Variants in DACH2 observed in about 807,000 individuals in gnomAD.
DACH2 encodes the protein dachshund homolog 2.
In DACH2, 17 loss-of-function variants were observed where a neutral mutation model predicts 35.8. That is an observed-to-expected ratio of 0.48 (90% CI 0.33 to 0.71). DACH2 has a LOEUF of 0.71. DACH2 is among the 30% of genes least tolerant of loss of function. The pLI, the probability that DACH2 is intolerant of heterozygous loss-of-function variation, is 0.02. For missense variants in DACH2, 469 were observed against 472.7 expected (o/e 0.99, Z 0.07); for synonymous variants, 195 against 177.3 (o/e 1.10, Z -0.79).
intron 3 of DACH2, among the ~76,000 whole-genome samples, chrX:86,578,570 C>A (rs1245648517): frequency 9.0e-6 from 1 of 111,626 alleles, no homozygotes; most frequent in African/African-American, 3.3e-5. Flanking sequence ...TAGCTATATG[C>A]ACTTAAGATT....
intron 5 of DACH2, among the ~76,000 whole-genome samples, chrX:86,706,358 T>C (rs963469192): frequency 1.8e-5 from 2 of 111,551 alleles, no homozygotes; most frequent in African/African-American, 6.5e-5. Context: ...AAAGGAGGAA[T>C]TGAGAATTGA....
At chrX:86,709,356 T>C (rs981038146) in intron 5 of DACH2, among the ~76,000 whole-genome samples, 1 of 111,620 alleles carries the variant, frequency 9.0e-6, no homozygotes, top group Admixed American at 9.5e-5. Context: ...GGATATCACA[T>C]GCAAAGAATG....
intron 3 of DACH2, among the ~76,000 whole-genome samples, chrX:86,523,192 G>A (rs757485323): frequency 9.0e-6 from 1 of 111,678 alleles, no homozygotes; most frequent in East Asian, 2.8e-4. Flanking sequence ...ATTCAATTCA[G>A]CAATAGTACC....
intron 1 of DACH2, among the ~76,000 whole-genome samples, chrX:86,371,807 T>C (rs906717552): frequency 6.3e-5 from 7 of 111,058 alleles, no homozygotes; most frequent in Admixed American, 1.9e-4. Context: ...AAGATAACTT[T>C]TAAAAGTTTT....
chrX:86,785,064 C>T (rs2042123984), intron 7 of DACH2, among the ~76,000 whole-genome samples: 1 of 110,670 alleles, frequency 9.0e-6, no homozygotes, highest in South Asian at 3.9e-4. Flanking sequence ...CATCTGCACT[C>T]CAAACCCCCA....
At chrX:86,293,669 T>C (rs1384340375) in intron 1 of DACH2, among the ~76,000 whole-genome samples, 1 of 110,960 alleles carries the variant, frequency 9.0e-6, no homozygotes, top group Non-Finnish European at 1.9e-5. Flanking sequence ...ATTTTATTTC[T>C]CCTTCACTTA....
chrX:86,281,369 C>A (rs899960176), intron 1 of DACH2, among the ~76,000 whole-genome samples: 1 of 111,558 alleles, frequency 9.0e-6, no homozygotes, highest in Admixed American at 9.6e-5. Context: ...TAAATGTAAT[C>A]CATCACACGA....
intron 7 of DACH2, among the ~76,000 whole-genome samples, chrX:86,748,176 A>C (rs2041733073): frequency 1.8e-5 from 2 of 112,211 alleles, no homozygotes; most frequent in Admixed American, 1.9e-4. Flanking sequence ...AGTCCCTCAA[A>C]GTCATCCACA....
At chrX:86,226,640 C>A (rs989885766) in intron 1 of DACH2, among the ~76,000 whole-genome samples, 3 of 111,485 alleles carry the variant, frequency 2.7e-5, no homozygotes, top group African/African-American at 9.7e-5. Flanking sequence ...AAAAAAGGTC[C>A]AAATTTCTTT....
chrX:86,233,879 G>A (rs991010679), intron 1 of DACH2, among the ~76,000 whole-genome samples: 6 of 111,760 alleles, frequency 5.4e-5, no homozygotes, highest in African/African-American at 2.0e-4. Context: ...AGAACAGTGT[G>A]GGGGACACTG....
rs533531028 is a variant in DACH2, at chrX:86,743,996, A to G, written c.1240+4114A>G. ...GAAAGTCCCAAGCTGTACATGATGC[A>G]TATGATACAATCAGAGCTGCAAACC... On this transcript the variant is annotated intron_variant, in intron 7 of 11. Coordinates refer to ENST00000373125, the MANE Select transcript of DACH2 (RefSeq NM_053281.3). 1.1e-4 allele frequency among the ~76,000 whole-genome samples: 12 copies of G among 111,453 alleles called. No individual in the cohort carries two copies. In the South Asian group the frequency reaches 3.7e-3, roughly 35 times the overall value.
chrX:86,598,878 TGTGCCATGTTG>T (rs2039747857), intron 3 of DACH2, among the ~76,000 whole-genome samples: 1 of 109,122 alleles, frequency 9.2e-6, no homozygotes, highest in Non-Finnish European at 1.9e-5. Context: ...TATGTATACA[TGTGCCATGTTG>T]GTGTGCTGCA....
intron 3 of DACH2, among the ~76,000 whole-genome samples, chrX:86,581,081 A>AT (rs1762261062): frequency 1.8e-5 from 2 of 111,761 alleles, no homozygotes; most frequent in Non-Finnish European, 3.8e-5. Flanking sequence ...GGGGGCTTAT[A>AT]TTCAACATTC....
intron 1 of DACH2, among the ~76,000 whole-genome samples, chrX:86,321,007 A>G (rs1039441134): frequency 9.0e-6 from 1 of 111,698 alleles, no homozygotes; most frequent in African/African-American, 3.3e-5. Context: ...GTAATGCCCA[A>G]TAATCCCCTT....
chrX:86,469,281 T>C (rs145552834), intron 2 of DACH2, among the ~76,000 whole-genome samples: 202 of 111,086 alleles, frequency 1.8e-3, no homozygotes, highest in African/African-American at 6.4e-3. Flanking sequence ...GTTTCTATTG[T>C]ACGTCATGGT....
chrX:86,552,856 T>C (rs1205196393), intron 3 of DACH2, among the ~76,000 whole-genome samples: 1 of 110,934 alleles, frequency 9.0e-6, no homozygotes, highest in Admixed American at 9.7e-5. Context: ...GTTCCCAATA[T>C]AGTGGTGTTT....
intron 2 of DACH2, among the ~76,000 whole-genome samples, chrX:86,453,531 T>C (rs1449890718): frequency 8.9e-6 from 1 of 112,184 alleles, no homozygotes; most frequent in Non-Finnish European, 1.9e-5. Context: ...GGTAGTTAGC[T>C]CTTCTTGCTG....
At chrX:86,228,969 A>T (rs1371944837) in intron 1 of DACH2, among the ~76,000 whole-genome samples, 1 of 111,771 alleles carries the variant, frequency 8.9e-6, no homozygotes, top group Non-Finnish European at 1.9e-5. Flanking sequence ...CTTTAGTTTA[A>T]TTAGGTCCCA....
chrX:86,595,349 G>A (rs2039698465), intron 3 of DACH2, among the ~76,000 whole-genome samples: 1 of 111,384 alleles, frequency 9.0e-6, no homozygotes, highest in Non-Finnish European at 1.9e-5. Context: ...TTGGCCTCAA[G>A]TGATCCTCCC....
Sources: allele counts gnomAD v4.1 joint callset (sites outside exome capture counted in the v4.1 genomes callset), GRCh38; gene constraint gnomAD v4.1.1; transcripts MANE v1.5; gene names NCBI Gene and HGNC (gene_info 2026-07-23, HGNC 2026-07-21).